Variants in PCDH15 observed in about 807,000 individuals in gnomAD.
PCDH15 encodes the protein protocadherin-15.
Under a neutral mutation model 178.5 loss-of-function variants are expected in PCDH15, and 129 were observed. The ratio of observed to expected loss-of-function variants is 0.72; its 90% CI spans 0.63 to 0.84. The LOEUF (loss-of-function observed/expected upper bound fraction) is 0.84. Among genes scored for constraint, PCDH15 ranks in the 40% least tolerant of loss-of-function variants. The pLI, the probability that PCDH15 is intolerant of heterozygous loss-of-function variation, is 0.00. For missense variants in PCDH15, 2,230 were observed against 2,099.9 expected (o/e 1.06, Z -1.21); for synonymous variants, 800 against 732.0 (o/e 1.09, Z -1.50).
At chr10:53,986,234 C>T (rs985901637) in intron 21 of PCDH15, among the ~76,000 whole-genome samples, 1 of 152,120 alleles carries the variant, frequency 6.6e-6, no homozygotes, top group East Asian at 1.9e-4. Context: ...TGCTCAACAT[C>T]ATTAGTCATA....
chr10:55,274,071 C>CT (rs1440606114), intron 1 of PCDH15, among the ~76,000 whole-genome samples: 2 of 152,070 alleles, frequency 1.3e-5, no homozygotes, highest in Non-Finnish European at 2.9e-5. Flanking sequence ...AGAATTTCCT[C>CT]TTTTTGTCAG....
chr10:54,733,476 T>G (rs372062894), intron 1 of PCDH15, among the ~76,000 whole-genome samples: 24 of 151,550 alleles, frequency 1.6e-4, no homozygotes, highest in East Asian at 9.7e-4. Flanking sequence ...AAGGCCTAAG[T>G]GATGGGTATA....
chr10:55,364,024 A>T (rs1231504434), intron 2 of PCDH15, among the ~76,000 whole-genome samples: 3 of 152,082 alleles, frequency 2.0e-5, no homozygotes, highest in Admixed American at 6.6e-5. Flanking sequence ...AGGTAATTGA[A>T]ACATGGGGGT....
intron 3 of PCDH15, among the ~76,000 whole-genome samples, chr10:54,830,608 T>C: frequency 6.6e-6 from 1 of 151,858 alleles, no homozygotes; most frequent in Non-Finnish European, 1.5e-5. Context: ...GGGGGAGGGA[T>C]AGCATTAGGA....
At chr10:54,051,150 G>T (rs2093764397) in intron 18 of PCDH15, among the ~76,000 whole-genome samples, 1 of 152,154 alleles carries the variant, frequency 6.6e-6, no homozygotes, top group African/African-American at 2.4e-5. Flanking sequence ...TATTAGCAAT[G>T]TGAGAACAGA....
At chr10:54,409,557 C>A (rs1299328894) in intron 3 of PCDH15, among the ~76,000 whole-genome samples, 1 of 152,046 alleles carries the variant, frequency 6.6e-6, no homozygotes, top group African/African-American at 2.4e-5. Context: ...TGTACATTAT[C>A]AACCTCTTAC....
chr10:54,146,934 AAT>A (rs1272234319), intron 14 of PCDH15, among the ~76,000 whole-genome samples: 1 of 83,614 alleles, frequency 1.2e-5, no homozygotes, highest in Non-Finnish European at 2.4e-5. Flanking sequence ...ATATATATAT[AAT>A]GTATATATAT....
At position 55,627,862 on chromosome 10, in the gene PCDH15, TA is replaced by T. The variant is rs1837565111; in HGVS notation, c.-285+2del. The T allele has an allele frequency of 6.6e-6, 1 of 152,418 alleles. No individual in the cohort carries two copies. Among genetic ancestry groups the T allele is most frequent in the Non-Finnish European group, 1.5e-5 (1 of 68,262 alleles). 9.4% of individuals were successfully genotyped at this position (152,418 alleles called of 1,614,324 possible). A position where few individuals can be genotyped will look rare whatever the true frequency, so the allele number is the denominator to read the frequency against. On this transcript the variant is annotated splice_donor_variant, in intron 1 of 5. Coordinates refer to the PCDH15 transcript ENST00000613346. LOFTEE classifies it low-confidence loss of function (5UTR_SPLICE). Reference sequence around the variant, plus strand: ...AGGTTCCGGCTCCTCTTCTGCGCCTTACCCAGCTCTTTTCGTCTGGCAAAGG... The same window carrying T: ...AGGTTCCGGCTCCTCTTCTGCGCCTTCCCAGCTCTTTTCGTCTGGCAAAGG...
chr10:55,078,529 T>C (rs1337536066), intron 2 of PCDH15, among the ~76,000 whole-genome samples: 1 of 152,158 alleles, frequency 6.6e-6, no homozygotes, highest in African/African-American at 2.4e-5. Flanking sequence ...TCTTTATTTT[T>C]GACTGACTGG....
At chr10:53,890,031 T>G (rs1028316722) in intron 26 of PCDH15, among the ~76,000 whole-genome samples, 2 of 152,232 alleles carry the variant, frequency 1.3e-5, no homozygotes, top group African/African-American at 4.8e-5. Context: ...ACTACCGTGT[T>G]CACTTTGTAA....
intron 2 of PCDH15, among the ~76,000 whole-genome samples, chr10:54,535,439 G>A (rs905498251): frequency 3.9e-5 from 6 of 152,066 alleles, no homozygotes; most frequent in East Asian, 1.9e-4. Context: ...GGCCGGATGC[G>A]GTGGCTCACG....
In PCDH15 at chr10:54,164,782, T is replaced by C. The variant is rs112240087; in HGVS notation, c.1591-11489A>G. 2.7e-3 allele frequency among the ~76,000 whole-genome samples: 413 copies of C among 152,238 alleles called. 1 individual carries two copies. Among genetic ancestry groups the C allele is most frequent in the African/African-American group, 9.4e-3 (392 of 41,518 alleles). On this transcript the variant is annotated intron_variant, in intron 13 of 37. Coordinates refer to ENST00000644397, the MANE Select transcript of PCDH15 (RefSeq NM_001384140.1). Reference sequence around the variant, plus strand: ...TGTGTAGCAAGTGGGTAACACATAATGAGTGCAGATGACTTAGAAGTCATA... The same window carrying C: ...TGTGTAGCAAGTGGGTAACACATAACGAGTGCAGATGACTTAGAAGTCATA...
At chr10:54,516,339 A>G (rs991656127) in intron 3 of PCDH15, among the ~76,000 whole-genome samples, 7 of 152,170 alleles carry the variant, frequency 4.6e-5, no homozygotes, top group African/African-American at 1.7e-4. Context: ...GTATAACTAG[A>G]ATAACAAATG....
chr10:55,213,776 T>G (rs907174554), intron 1 of PCDH15, among the ~76,000 whole-genome samples: 1 of 151,910 alleles, frequency 6.6e-6, no homozygotes, highest in African/African-American at 2.4e-5. Flanking sequence ...TTTATTGCAT[T>G]TGTTATTTTA....
intron 28 of PCDH15, among the ~76,000 whole-genome samples, chr10:53,848,762 C>A (rs1387878065): frequency 6.6e-6 from 1 of 151,908 alleles, no homozygotes; most frequent in African/African-American, 2.4e-5. Flanking sequence ...ATACGGGTAC[C>A]TTCATTACGA....
At chr10:54,863,528 C>T (rs765510251) in intron 3 of PCDH15, among the ~76,000 whole-genome samples, 6 of 152,080 alleles carry the variant, frequency 3.9e-5, no homozygotes, top group Admixed American at 1.3e-4. Context: ...GGTGCCAGAG[C>T]GAGACTCCGT....
chr10:55,224,066 A>ACTGGTCT (rs1172317683), intron 1 of PCDH15, among the ~76,000 whole-genome samples: 5 of 152,070 alleles, frequency 3.3e-5, no homozygotes, highest in African/African-American at 1.2e-4. Flanking sequence ...AGCCTGGACA[A>ACTGGTCT]CATGGCGAAG....
intron 2 of PCDH15, among the ~76,000 whole-genome samples, chr10:55,051,230 T>A (rs889044951): frequency 6.6e-6 from 1 of 152,186 alleles, no homozygotes; most frequent in South Asian, 2.1e-4. Context: ...ATAACCAACT[T>A]CCTTACAGCT....
At chr10:55,232,345 G>T (rs552169146) in intron 1 of PCDH15, among the ~76,000 whole-genome samples, 1 of 152,030 alleles carries the variant, frequency 6.6e-6, no homozygotes, top group Admixed American at 6.6e-5. Context: ...ATTTGTTAGG[G>T]AGAAAATATG....
Sources: gnomAD v4.1 joint callset for allele counts (sites outside exome capture counted in the v4.1 genomes callset) on GRCh38, gnomAD v4.1.1 for gene constraint, MANE v1.5 for transcripts, NCBI Gene and HGNC (gene_info 2026-07-23, HGNC 2026-07-21) for gene names.